Variants in IQCJ observed in about 807,000 individuals in gnomAD.
IQCJ encodes the protein IQ motif containing J.
IQCJ carries 9 observed loss-of-function variants against 11.0 expected under a neutral mutation model. The observed-to-expected ratio is 0.82, with a 90% CI of 0.49 to 1.43. The LOEUF is 1.43. Ranked by LOEUF, IQCJ falls within the 40% of genes most tolerant of loss-of-function variation. The probability of loss-of-function intolerance (pLI) is 0.00; values close to 1 mark genes in which losing one functional copy is unlikely to be tolerated. For synonymous variants in IQCJ, 55 were observed against 51.3 expected (o/e 1.07, Z -0.31); for missense variants, 146 against 133.2 (o/e 1.10, Z -0.47).
intron 1 of IQCJ, among the ~76,000 whole-genome samples, chr3:159,139,273 A>G (rs561011264): frequency 6.6e-6 from 1 of 152,210 alleles, no homozygotes; most frequent in Non-Finnish European, 1.5e-5. Context: ...AACAAAATTT[A>G]AAAGAAATGA....
At chr3:159,210,968 G>A (rs1042697182) in intron 1 of IQCJ, among the ~76,000 whole-genome samples, 13 of 152,232 alleles carry the variant, frequency 8.5e-5, no homozygotes, top group Admixed American at 3.9e-4. Flanking sequence ...CACCGTGTCC[G>A]GCCTCAAATT....
At chr3:159,104,088 G>C (rs895255511) in intron 1 of IQCJ, among the ~76,000 whole-genome samples, 1 of 152,182 alleles carries the variant, frequency 6.6e-6, no homozygotes. Context: ...GCAGATATGG[G>C]CTGTGGCCTC....
intron 1 of IQCJ, among the ~76,000 whole-genome samples, chr3:159,109,708 C>G (rs564605498): frequency 1.3e-5 from 2 of 152,014 alleles, no homozygotes; most frequent in South Asian, 4.2e-4. Context: ...TCAAATGCCT[C>G]TGTGTGTGTT....
intron 1 of IQCJ, among the ~76,000 whole-genome samples, chr3:159,226,261 G>T (rs1725847156): frequency 6.6e-6 from 1 of 152,132 alleles, no homozygotes. Context: ...CTATTCACAT[G>T]GTTGGTTCCT....
chr3:159,229,363 A>T (rs1726054718), intron 1 of IQCJ, among the ~76,000 whole-genome samples: 1 of 152,018 alleles, frequency 6.6e-6, no homozygotes, highest in Non-Finnish European at 1.5e-5. Context: ...GGCTTCTTTG[A>T]TCTCATTCTG....
At chr3:159,179,194 G>A (rs909877080) in intron 1 of IQCJ, among the ~76,000 whole-genome samples, 1 of 152,062 alleles carries the variant, frequency 6.6e-6, no homozygotes, top group Admixed American at 6.6e-5. Flanking sequence ...TATGCAGTTT[G>A]GATGCTAGAC....
chr3:159,104,236 G>A (rs1377486786), intron 1 of IQCJ, among the ~76,000 whole-genome samples: 1 of 152,174 alleles, frequency 6.6e-6, no homozygotes, highest in African/African-American at 2.4e-5. Context: ...TTGGGACCTG[G>A]ATTTAGAAGT....
At chr3:159,084,013 T>C (rs1248764445) in intron 1 of IQCJ, among the ~76,000 whole-genome samples, 1 of 152,034 alleles carries the variant, frequency 6.6e-6, no homozygotes, top group Non-Finnish European at 1.5e-5. Context: ...AACCCATATA[T>C]GTGATAAAAT....
intron 1 of IQCJ, among the ~76,000 whole-genome samples, chr3:159,233,630 T>C (rs1023818131): frequency 1.3e-5 from 2 of 152,178 alleles, no homozygotes; most frequent in African/African-American, 4.8e-5. Flanking sequence ...GTACAATTAG[T>C]GTCCCCATTT....
chr3:159,263,863 A>T (rs1385347691), downstream of IQCJ: 1 of 964,462 alleles, frequency 1.0e-6, no homozygotes, highest in Admixed American at 6.2e-5. Context: ...CATTTAGTGA[A>T]TCTTCACTTT....
At chr3:159,086,117 T>G (rs1427462038) in intron 1 of IQCJ, among the ~76,000 whole-genome samples, 1 of 152,216 alleles carries the variant, frequency 6.6e-6, no homozygotes, top group Non-Finnish European at 1.5e-5. Context: ...AGGGATCCAG[T>G]TTCAGCTTTC....
intron 3 of IQCJ, among the ~76,000 whole-genome samples, chr3:159,254,988 G>A (rs1727813981): frequency 6.6e-6 from 1 of 152,224 alleles, no homozygotes; most frequent in African/African-American, 2.4e-5. Context: ...ACCAAGCAGT[G>A]CCTTCCTCCA....
intron 1 of IQCJ, among the ~76,000 whole-genome samples, chr3:159,138,666 G>A (rs972552377): frequency 5.9e-5 from 9 of 152,212 alleles, no homozygotes; most frequent in African/African-American, 1.9e-4. Flanking sequence ...CTGTGTGGTG[G>A]TTGTGTGCAT....
rs554873818 is a variant in IQCJ, at chr3:159,073,842, G to A, written c.9+4401G>A. On this transcript the variant is annotated intron_variant, in intron 1 of 3. Transcript: ENST00000397832. ...GACTGCATGGACAATCTCGACTGAG[G>A]GCTGAAGCAATTTCAATGCTTATAT... Among the ~76,000 whole-genome samples the A allele has an allele frequency of 6.6e-5, 10 of 152,202 alleles. No homozygotes were observed. In the East Asian group the frequency reaches 1.9e-3, roughly 29 times the overall value.
At chr3:159,106,029 G>A (rs1023185520) in intron 1 of IQCJ, among the ~76,000 whole-genome samples, 1 of 152,186 alleles carries the variant, frequency 6.6e-6, no homozygotes, top group African/African-American at 2.4e-5. Context: ...ATGGTGAGAA[G>A]TTGTCAGATC....
Position 159,262,833 on chromosome 3 carries a change from T to C in IQCJ, c.*102T>C. 6.9e-7 allele frequency: 1 copy of C among 1,454,570 alleles called. No homozygotes were observed. 90.1% of individuals were successfully genotyped at this position (1,454,570 alleles called of 1,614,324 possible). A position where few individuals can be genotyped will look rare whatever the true frequency, so the allele number is the denominator to read the frequency against. ...TTATTTGCTACCCAGGAACCCATGG[T>C]GAGAGTTTTGTCACCTCAAAATAAA... On this transcript the variant is annotated 3_prime_UTR_variant, in exon 4 of 4. Coordinates refer to ENST00000397832, the MANE Select transcript of IQCJ (RefSeq NM_001042706.3).
chr3:159,095,368 A>AT (rs1170737114), intron 1 of IQCJ, among the ~76,000 whole-genome samples: 17 of 150,944 alleles, frequency 1.1e-4, no homozygotes, highest in East Asian at 3.9e-4. Context: ...ATTTTATTTT[A>AT]TTTTTTTTAT....
At chr3:159,235,535 C>T (rs1257833939) in intron 1 of IQCJ, among the ~76,000 whole-genome samples, 10 of 152,134 alleles carry the variant, frequency 6.6e-5, no homozygotes, top group Non-Finnish European at 1.5e-4. Flanking sequence ...GGATCCAGTG[C>T]GAGTGGATTG....
intron 2 of IQCJ, among the ~76,000 whole-genome samples, chr3:159,247,257 C>T (rs147826187): frequency 2.5e-4 from 38 of 152,106 alleles, no homozygotes; most frequent in Non-Finnish European, 5.0e-4. Context: ...CCACCACGCC[C>T]GGCTAATTTT....
Sources: gnomAD v4.1 joint callset for allele counts (sites outside exome capture counted in the v4.1 genomes callset) on GRCh38, gnomAD v4.1.1 for gene constraint, MANE v1.5 for transcripts, NCBI Gene and HGNC (gene_info 2026-07-23, HGNC 2026-07-21) for gene names.